The following ATP13A5 variants were observed in gnomAD, a reference collection of about 807,000 sequenced individuals.
ATP13A5 encodes the protein ATPase 13A5.
Under a neutral mutation model 150.2 loss-of-function variants are expected in ATP13A5, and 149 were observed. That is an observed-to-expected ratio of 0.99 (90% CI 0.87 to 1.14). The LOEUF (loss-of-function observed/expected upper bound fraction) is 1.14, where lower values mean the gene tolerates loss of function less well. ATP13A5 is among the 50% of genes most tolerant of loss of function. The pLI is 0.00. For synonymous variants in ATP13A5, 497 were observed against 522.2 expected (o/e 0.95, Z 0.66); for missense variants, 1,383 against 1,449.3 (o/e 0.95, Z 0.74).
At chr3:193,361,976 G>A (rs952734010) in intron 5 of ATP13A5, among the ~76,000 whole-genome samples, 6 of 152,100 alleles carry the variant, frequency 3.9e-5, no homozygotes, top group African/African-American at 1.4e-4. Context: ...ACAACTAACC[G>A]AGCAAGCAAA....
At chr3:193,275,996 A>C (rs142928901) in intron 29 of ATP13A5, among the ~76,000 whole-genome samples, 20 of 152,298 alleles carry the variant, frequency 1.3e-4, no homozygotes, top group Middle Eastern at 3.4e-3. Flanking sequence ...AACAACACTT[A>C]AGTTGAATGT....
At chr3:193,304,872 G>A (rs1718547549) in intron 23 of ATP13A5, among the ~76,000 whole-genome samples, 2 of 152,150 alleles carry the variant, frequency 1.3e-5, no homozygotes, top group African/African-American at 2.4e-5. Context: ...CAAAGATGGC[G>A]AAGGTGAAGG....
chr3:193,332,599 A>G (rs1483098836), intron 11 of ATP13A5, among the ~76,000 whole-genome samples: 1 of 152,172 alleles, frequency 6.6e-6, no homozygotes, highest in African/African-American at 2.4e-5. Flanking sequence ...GTTCAGTAGC[A>G]ATGTCTGCTG....
Position 193,314,112 on chromosome 3 carries a change from G to A in ATP13A5, c.2240C>T (p.Ala747Val). 1 of 1,613,864 alleles carries A rather than the reference G, an allele frequency of 6.2e-7. No homozygotes were observed. Among genetic ancestry groups the A allele is most frequent in the South Asian group, 1.1e-5 (1 of 91,064 alleles). Reference protein sequence around the residue: ...PPGSQVIIVEADEPEEFVPAS... With the variant: ...PPGSQVIIVEVDEPEEFVPAS... Reference sequence around the variant, plus strand: ...AGGAACAAATTCTTCTGGTTCATCGGCCTCAACAATGATCACTTGGCTGCC... The same window carrying A: ...AGGAACAAATTCTTCTGGTTCATCGACCTCAACAATGATCACTTGGCTGCC... Residue 747 changes from alanine to valine, a missense_variant, in exon 19 of 30, where the codon GCC (alanine) becomes GTC (valine). Physicochemically the swap from Ala to Val is moderately conservative, Grantham distance 64 (BLOSUM62 0). Transcript: ENST00000342358.
chr3:193,319,310 G>A (rs188105718), intron 16 of ATP13A5, among the ~76,000 whole-genome samples: 19 of 152,296 alleles, frequency 1.2e-4, no homozygotes, highest in Non-Finnish European at 2.2e-4. Context: ...TGTCAAAGCC[G>A]TGCTGGTCAT....
intron 11 of ATP13A5, among the ~76,000 whole-genome samples, chr3:193,333,516 T>C (rs1711721948): frequency 6.6e-6 from 1 of 152,200 alleles, no homozygotes; most frequent in East Asian, 1.9e-4. Flanking sequence ...TAACTTCATT[T>C]CAGACCCTAA....
At chr3:193,352,085 T>C (rs575339993) in intron 6 of ATP13A5, among the ~76,000 whole-genome samples, 13 of 152,242 alleles carry the variant, frequency 8.5e-5, no homozygotes, top group Admixed American at 7.2e-4. Flanking sequence ...GAAATATTGG[T>C]TAAAACCAGT....
Position 193,321,674 on chromosome 3 carries a change from T to G in ATP13A5, c.1915+7A>C. Reference sequence around the variant, plus strand: ...TTTTACTTCTTGAAAGAGAAAAGTGTTAGTACCTGTTTCAGATCTGCAGAA... The same window carrying G: ...TTTTACTTCTTGAAAGAGAAAAGTGGTAGTACCTGTTTCAGATCTGCAGAA... On this transcript the variant is annotated splice_region_variant and intron_variant, in intron 16 of 29. Coordinates refer to ENST00000342358, the MANE Select transcript of ATP13A5 (RefSeq NM_198505.4). 1 of 1,613,852 alleles carries G rather than the reference T, an allele frequency of 6.2e-7. No homozygotes were observed. The highest frequency in any genetic ancestry group is 8.5e-7 in the Non-Finnish European group (1 of 1,179,856).
At chr3:193,327,170 A>G (rs1719496136) in intron 12 of ATP13A5, 113 bp from the exon 13 acceptor site, 1 of 941,474 alleles carries the variant, frequency 1.1e-6, no homozygotes, top group South Asian at 1.7e-5. Flanking sequence ...TAGTCTAAAT[A>G]CCTTGTTTAT....
At chr3:193,377,565 A>C (rs2108589052) in intron 1 of ATP13A5, among the ~76,000 whole-genome samples, 1 of 152,320 alleles carries the variant, frequency 6.6e-6, no homozygotes, top group East Asian at 1.9e-4. Flanking sequence ...CTCAGAAACT[A>C]CACGTGGCCC....
intron 20 of ATP13A5, among the ~76,000 whole-genome samples, chr3:193,311,124 A>G (rs1286592969): frequency 1.3e-5 from 2 of 152,222 alleles, no homozygotes; most frequent in Non-Finnish European, 2.9e-5. Context: ...CAGCTGTGCC[A>G]GCTAGCTGTG....
rs775331157 is a variant in ATP13A5 at position 193,378,700 on chromosome 3, T to G, written c.26A>C (p.His9Pro). 4 of 1,613,982 alleles carry G rather than the reference T, an allele frequency of 2.5e-6. No individual in the cohort carries two copies. In the South Asian group the frequency reaches 4.4e-5, roughly 18 times the overall value. Residue 9 changes from histidine (H) to proline (P), a missense_variant, in exon 1 of 30, where the codon CAT (histidine) becomes CCT (proline). His to Pro is a moderately conservative substitution (Grantham distance 77). Transcript: ENST00000342358. Reference sequence around the variant, plus strand: ...CTCTCCCTGGTTGAGCAAAGCCCGATGGTCCTTCTTACTGTTCTCTTCCAT... The same window carrying G: ...CTCTCCCTGGTTGAGCAAAGCCCGAGGGTCCTTCTTACTGTTCTCTTCCAT... MEENSKKD[H>P]RALLNQGEED...
chr3:193,334,841 G>A lies in ATP13A5; in HGVS notation c.1114+88C>T, dbSNP rs6806913. ...ATGTTGTTACTACCAGAATGTGGCA[G>A]ACTCCATAATCCTAAACTAAATTTC... On this transcript the variant is annotated intron_variant, in intron 10 of 29. Transcript: ENST00000342358. The A allele has an allele frequency of 2.1e-3, 2,597 of 1,230,082 alleles. 36 individuals are homozygous for A. In the African/African-American group the frequency reaches 0.03, roughly 14 times the overall value. The allele number at this position is 1,230,082 out of a possible 1,614,324, so 76.2% of individuals were successfully genotyped here.
rs192385582 is a variant in ATP13A5 at position 193,376,509 on chromosome 3, G to C, written c.63+2154C>G. On this transcript the variant is annotated intron_variant, in intron 1 of 29. Coordinates refer to ENST00000342358, the MANE Select transcript of ATP13A5 (RefSeq NM_198505.4). ...TTACAGGCATGAGCCACCATGCCTG[G>C]CCAGGGGTCTCTTTTCTTTTTTTAA... Among the ~76,000 whole-genome samples, 47 of 152,252 alleles carry C rather than the reference G, an allele frequency of 3.1e-4. No individual in the cohort carries two copies. The East Asian group carries it at 4.8e-3, about 16-fold the overall frequency.
chr3:193,360,683 A>G (rs914426853), intron 5 of ATP13A5, among the ~76,000 whole-genome samples: 2 of 150,390 alleles, frequency 1.3e-5, no homozygotes, highest in African/African-American at 4.9e-5. Flanking sequence ...TGTGTGGATC[A>G]GATTTTTTTT....
In ATP13A5 at chr3:193,344,004, A is replaced by G; in HGVS notation, c.866T>C (p.Leu289Pro). The change falls in exon 9 of 30, where the codon CTT becomes CCT. Residue 289 changes from leucine (L) to proline (P), a missense_variant. Coordinates refer to ENST00000342358, the MANE Select transcript of ATP13A5 (RefSeq NM_198505.4). ...RLLVPGDILILPGKFSLPCDA... is the reference protein window; with the variant it reads ...RLLVPGDILIPPGKFSLPCDA... ...ACATGGCAATGAAAATTTTCCTGGA[A>G]GAATAAGAATGTCTCCGGGAACCAA... is the stretch of plus-strand genomic sequence containing the variant. 1 of 1,613,442 alleles carries G rather than the reference A, an allele frequency of 6.2e-7. No homozygotes were observed.
Position 193,363,216 on chromosome 3 carries a change from A to G in ATP13A5, c.384+20T>C, listed in dbSNP as rs751110600. On this transcript the variant is annotated intron_variant, in intron 3 of 29. Transcript: ENST00000342358. ...TTTCTCTGTAAACATGCATAACACC[A>G]TACCCTTCAAGTAACTTACTTTTAA... The G allele has an allele frequency of 3.7e-6, 6 of 1,610,100 alleles. No individual in the cohort carries two copies. The highest frequency in any genetic ancestry group is 1.1e-5 in the South Asian group (1 of 90,200).
intron 1 of ATP13A5, among the ~76,000 whole-genome samples, chr3:193,368,829 A>G (rs1310087994): frequency 1.3e-5 from 2 of 152,232 alleles, no homozygotes; most frequent in African/African-American, 4.8e-5. Flanking sequence ...TGACAACTGA[A>G]ACAATAAATC....
chr3:193,317,389 A>G (rs1300451793), intron 17 of ATP13A5, among the ~76,000 whole-genome samples: 1 of 152,214 alleles, frequency 6.6e-6, no homozygotes, highest in Non-Finnish European at 1.5e-5. Flanking sequence ...ACTAGGATAT[A>G]TTCATGAGGA....
Sources: allele counts gnomAD v4.1 joint callset (sites outside exome capture counted in the v4.1 genomes callset), GRCh38; gene constraint gnomAD v4.1.1; transcripts MANE v1.5; gene names NCBI Gene and HGNC (gene_info 2026-07-23, HGNC 2026-07-21).